The following SLC71A2 variants were observed in gnomAD, a reference collection of about 807,000 sequenced individuals.
The protein encoded by SLC71A2 is solute carrier family 71 member 2, also known as hippocampus abundant transcript-like 1.
chr9:94,447,481 GTTTTTTT>G, the SLC71A2 span, among the ~76,000 whole-genome samples: 4 of 98,376 alleles, frequency 4.1e-5, no homozygotes, highest in South Asian at 3.0e-4. Context: ...TGCCCAGCCT[GTTTTTTT>G]TTTTTTTTTT....
At chr9:94,403,971 C>T in the SLC71A2 span, among the ~76,000 whole-genome samples, 7 of 152,268 alleles carry the variant, frequency 4.6e-5, no homozygotes, top group Non-Finnish European at 1.0e-4. Flanking sequence ...ATGAGGGCTA[C>T]ACCATTATCA....
chr9:94,459,419 C>T, the SLC71A2 span: 1 of 1,613,086 alleles, frequency 6.2e-7, no homozygotes, highest in Non-Finnish European at 8.5e-7. Flanking sequence ...GTAAACTCGG[C>T]AGAAAGTGGG....
chr9:94,443,113 C>A, the SLC71A2 span, among the ~76,000 whole-genome samples: 5 of 152,104 alleles, frequency 3.3e-5, no homozygotes, highest in African/African-American at 4.8e-5. Flanking sequence ...GTAGTGCTTT[C>A]AGGAAAGATT....
chr9:94,454,121 A>G, the SLC71A2 span: 2 of 1,319,824 alleles, frequency 1.5e-6, no homozygotes, highest in South Asian at 1.2e-5. Flanking sequence ...TGCCTCTTAG[A>G]GGAGCTTGGG....
the SLC71A2 span, among the ~76,000 whole-genome samples, chr9:94,399,962 C>T: frequency 5.3e-5 from 8 of 152,130 alleles, no homozygotes; most frequent in South Asian, 2.1e-4. Flanking sequence ...TGTGCCACCA[C>T]GGTGGCCTGG....
chr9:94,430,223 A>ATT, the SLC71A2 span, among the ~76,000 whole-genome samples: 58 of 102,474 alleles, frequency 5.7e-4, no homozygotes, highest in African/African-American at 1.6e-3. Flanking sequence ...CTTTTAAATA[A>ATT]TTTTTTTTTT....
chr9:94,409,180 C>G, the SLC71A2 span, among the ~76,000 whole-genome samples: 1 of 128,812 alleles, frequency 7.8e-6, no homozygotes. Flanking sequence ...ACTCCCTTCT[C>G]CCAGACTGGA....
the SLC71A2 span, chr9:94,445,263 A>G: frequency 4.5e-5 from 52 of 1,143,690 alleles, no homozygotes; most frequent in African/African-American, 7.8e-4. Flanking sequence ...TGCAGCCTCA[A>G]GGATCCTAGC....
chr9:94,377,904 A>G, the SLC71A2 span, among the ~76,000 whole-genome samples: 1 of 152,160 alleles, frequency 6.6e-6, no homozygotes, highest in Non-Finnish European at 1.5e-5. Context: ...CAAGAGATCA[A>G]GACCATCCTG....
At chr9:94,453,881 G>A in the SLC71A2 span, 1 of 963,150 alleles carries the variant, frequency 1.0e-6, no homozygotes, top group East Asian at 2.4e-5. Context: ...ATCAGGGAAG[G>A]GTCTTCACAC....
At chr9:94,374,537 T>C in the SLC71A2 span, 1 of 152,244 alleles carries the variant, frequency 6.6e-6, no homozygotes, top group African/African-American at 2.4e-5. Context: ...GGGCACAGTC[T>C]CTTAACCGTG....
At chr9:94,453,848 T>A in the SLC71A2 span, 1 of 724,610 alleles carries the variant, frequency 1.4e-6, no homozygotes, top group East Asian at 2.5e-5. Flanking sequence ...GGTCAGGCAG[T>A]GTGCCCTTAG....
the SLC71A2 span, among the ~76,000 whole-genome samples, chr9:94,401,472 A>G: frequency 3.3e-5 from 5 of 152,118 alleles, no homozygotes; most frequent in Admixed American, 2.0e-4. Context: ...GCGCCCAGCA[A>G]TGAACATCTT....
At chr9:94,384,741 C>G in the SLC71A2 span, among the ~76,000 whole-genome samples, 6 of 152,102 alleles carry the variant, frequency 3.9e-5, no homozygotes, top group East Asian at 1.2e-3. Flanking sequence ...TGCTATGGTG[C>G]GAATGTCTCA....
At chr9:94,453,410 A>G in the SLC71A2 span, among the ~76,000 whole-genome samples, 1 of 152,090 alleles carries the variant, frequency 6.6e-6, no homozygotes, top group Non-Finnish European at 1.5e-5. Context: ...GGCCTCCCAA[A>G]GTGCTGGGAT....
the SLC71A2 span, among the ~76,000 whole-genome samples, chr9:94,439,139 A>G: frequency 1.4e-5 from 2 of 147,250 alleles, no homozygotes; most frequent in Non-Finnish European, 3.0e-5. Context: ...CTCCTGCCTC[A>G]GCCTCCTGAG....
the SLC71A2 span, among the ~76,000 whole-genome samples, chr9:94,386,160 A>G: frequency 3.9e-5 from 6 of 152,220 alleles, no homozygotes; most frequent in South Asian, 4.2e-4. Flanking sequence ...TTCAGTGTAT[A>G]AGTCTTTCAC....
At chr9:94,444,974 C>T in the SLC71A2 span, 1 of 1,613,864 alleles carries the variant, frequency 6.2e-7, no homozygotes, top group East Asian at 2.2e-5. Context: ...GTCTCAGCCA[C>T]CTTTGCGGCT....
the SLC71A2 span, among the ~76,000 whole-genome samples, chr9:94,400,165 C>CA: frequency 6.6e-6 from 1 of 151,956 alleles, no homozygotes; most frequent in Non-Finnish European, 1.5e-5. Flanking sequence ...AATGGGAGAT[C>CA]AGTTTCGAAT....
Sources: gnomAD v4.1 joint callset for allele counts (sites outside exome capture counted in the v4.1 genomes callset) on GRCh38, gnomAD v4.1.1 for gene constraint, MANE v1.5 for transcripts, NCBI Gene and HGNC (gene_info 2026-07-23, HGNC 2026-07-21) for gene names.